Variants in USP24 observed in about 807,000 individuals in gnomAD.
USP24 encodes the protein ubiquitin specific peptidase 24.
A neutral mutation model predicts 361.6 loss-of-function variants in USP24; 97 were observed. The observed-to-expected ratio is 0.27, with a 90% CI of 0.23 to 0.32. USP24 has a LOEUF of 0.32. Ranked by LOEUF, USP24 falls within the 10% of genes least tolerant of loss-of-function variation. USP24 has a pLI of 1.00. For missense variants in USP24, 2,353 were observed against 3,165.6 expected (o/e 0.74, Z 6.16); for synonymous variants, 1,098 against 1,124.6 (o/e 0.98, Z 0.47).
chr1:55,112,502 T>A (rs1645983565), intron 38 of USP24, among the ~76,000 whole-genome samples: 1 of 151,994 alleles, frequency 6.6e-6, no homozygotes, highest in Admixed American at 6.5e-5. Context: ...TCAAATAACT[T>A]ATTTATTTCT....
chr1:55,189,895 C>T (rs530332805), intron 1 of USP24, among the ~76,000 whole-genome samples: 22 of 151,958 alleles, frequency 1.4e-4, no homozygotes, highest in African/African-American at 3.6e-4. Context: ...AGGCCAGGCA[C>T]GGTGACTCAT....
chr1:55,171,512 TCAATACA>T, intron 5 of USP24, 37 bp downstream of exon 5: 1 of 1,557,660 alleles, frequency 6.4e-7, no homozygotes, highest in African/African-American at 1.4e-5. Context: ...ATCTTCTTTT[TCAATACA>T]TTTTTCTATA....
At position 55,158,922 on chromosome 1, in the gene USP24, G is replaced by A; in HGVS notation, c.1183C>T (p.Leu395=). The change falls in exon 10 of 68, where the codon CTG becomes TTG. Residue 395 remains leucine, a synonymous_variant. Transcript: ENST00000294383. ...DLRLDILLRM[L]KSPHFSAKMN... ...TTAGCACTGAAATGTGGTGATTTCA[G>A]CATGCGCAATAGAATATCTAGTCGA... The A allele has an allele frequency of 6.3e-7, 1 of 1,576,942 alleles. No individual in the cohort carries two copies. The highest frequency in any genetic ancestry group is 2.3e-5 in the East Asian group (1 of 43,712).
chr1:55,215,090 G>A lies in USP24; in HGVS notation c.24C>T (p.His8=), dbSNP rs771050494. The A allele has an allele frequency of 2.5e-5, 33 of 1,333,724 alleles. No homozygotes were observed. The highest frequency in any genetic ancestry group is 3.0e-5 in the African/African-American group (2 of 66,786). 82.6% of individuals were successfully genotyped at this position (1,333,724 alleles called of 1,614,324 possible). A position where few individuals can be genotyped will look rare whatever the true frequency, so the allele number is the denominator to read the frequency against. Residue 8 remains histidine, a synonymous_variant, in exon 1 of 68, where the codon CAC becomes CAT. Transcript: ENST00000294383. The part of the protein sequence containing the change: MESEEEQ[H]MTTLLCMGFS... Reference sequence around the variant, plus strand: ...AGCCCATGCACAGCAGCGTGGTCATGTGCTGCTCCTCCTCCGATTCCATGG... The same window carrying A: ...AGCCCATGCACAGCAGCGTGGTCATATGCTGCTCCTCCTCCGATTCCATGG...
At chr1:55,206,705 A>G (rs1169585836) in intron 1 of USP24, among the ~76,000 whole-genome samples, 1 of 151,522 alleles carries the variant, frequency 6.6e-6, no homozygotes, top group Non-Finnish European at 1.5e-5. Context: ...AAACCAGAGT[A>G]GTAACAGTGA....
intron 1 of USP24, 105 bp from the exon 2 acceptor site, chr1:55,178,237 A>G: frequency 1.6e-5 from 18 of 1,115,430 alleles, no homozygotes; most frequent in Non-Finnish European, 2.2e-5. Context: ...GGTAGCTATT[A>G]ATACCAATAG....
At chr1:55,170,374 C>T (rs187693767) in intron 5 of USP24, among the ~76,000 whole-genome samples, 412 of 152,158 alleles carry the variant, frequency 2.7e-3, no homozygotes, top group Admixed American at 4.2e-3. Flanking sequence ...ATCTGCTGAG[C>T]GCTCACTAGA....
intron 5 of USP24, among the ~76,000 whole-genome samples, chr1:55,169,786 C>A (rs989198390): frequency 1.3e-5 from 2 of 152,076 alleles, no homozygotes; most frequent in Non-Finnish European, 2.9e-5. Flanking sequence ...CCAAGACTTA[C>A]CCACAAACAG....
intron 1 of USP24, among the ~76,000 whole-genome samples, chr1:55,190,087 C>T (rs1172765396): frequency 2.0e-5 from 3 of 150,104 alleles, no homozygotes; most frequent in Non-Finnish European, 3.0e-5. Context: ...ATTGCTTGGA[C>T]CCAGGAGGCG....
At chr1:55,162,058 C>T (rs1648340014) in intron 8 of USP24, 141 bp downstream of exon 8, 3 of 678,308 alleles carry the variant, frequency 4.4e-6, no homozygotes, top group Non-Finnish European at 7.0e-6. Flanking sequence ...TATCTGATGG[C>T]ATTTTTATTA....
At chr1:55,129,441 T>C (rs1306251944) in intron 32 of USP24, 36 bp downstream of exon 32, 1 of 1,566,198 alleles carries the variant, frequency 6.4e-7, no homozygotes, top group Admixed American at 1.7e-5. Flanking sequence ...ATATTCATTT[T>C]CGGCAACTCA....
chr1:55,095,101 T>C (rs374567160), intron 51 of USP24, among the ~76,000 whole-genome samples, 154 bp downstream of exon 51: 4 of 152,236 alleles, frequency 2.6e-5, no homozygotes, highest in Non-Finnish European at 5.9e-5. Flanking sequence ...AAAATAACCA[T>C]GAAGCAATAA....
chr1:55,117,145 T>C (rs916064947), intron 38 of USP24, among the ~76,000 whole-genome samples: 1 of 152,172 alleles, frequency 6.6e-6, no homozygotes, highest in African/African-American at 2.4e-5. Flanking sequence ...ACTTTCATGA[T>C]AAAAACACTT....
At position 55,133,984 on chromosome 1, in the gene USP24, A is replaced by G. The variant is rs563784995; in HGVS notation, c.3381+86T>C. Reference sequence around the variant, plus strand: ...AAAACATTATGGGAAAGATGGTATCATATGACCTTGATGTGATTTCAGGTT... The same window carrying G: ...AAAACATTATGGGAAAGATGGTATCGTATGACCTTGATGTGATTTCAGGTT... On this transcript the variant is annotated intron_variant, in intron 30 of 67. Transcript: ENST00000294383. 6.7e-6 allele frequency: 8 copies of G among 1,188,150 alleles called. No homozygotes were observed. The East Asian group carries it at 2.0e-4, about 29-fold the overall frequency. 73.6% of individuals were successfully genotyped at this position (1,188,150 alleles called of 1,614,324 possible).
chr1:55,175,559 C>A (rs550361034), intron 3 of USP24, among the ~76,000 whole-genome samples: 1 of 152,166 alleles, frequency 6.6e-6, no homozygotes, highest in East Asian at 1.9e-4. Flanking sequence ...CAAACATTAC[C>A]CATCTGTAGT....
At chr1:55,191,546 A>G (rs913915958) in intron 1 of USP24, among the ~76,000 whole-genome samples, 2 of 148,446 alleles carry the variant, frequency 1.3e-5, no homozygotes, top group Non-Finnish European at 3.0e-5. Context: ...ACTGGAGTGC[A>G]GTGGCACGGT....
At chr1:55,201,584 G>A (rs1240610704) in intron 1 of USP24, among the ~76,000 whole-genome samples, 2 of 102,354 alleles carry the variant, frequency 2.0e-5, no homozygotes, top group Non-Finnish European at 3.5e-5. Flanking sequence ...CTGGGTGACA[G>A]AGCAAGACTC....
chr1:55,100,690 A>G (rs1223448011), intron 44 of USP24, 149 bp downstream of exon 44: 2 of 806,848 alleles, frequency 2.5e-6, no homozygotes, highest in South Asian at 3.7e-5. Context: ...CCAAGTACCA[A>G]TTTCAACAAT....
In USP24 at chr1:55,083,288, C is replaced by T; in HGVS notation, c.6959G>A (p.Ser2320Asn). 6.2e-7 allele frequency: 1 copy of T among 1,613,674 alleles called. No homozygotes were observed. Among genetic ancestry groups the T allele is most frequent in the East Asian group, 2.2e-5 (1 of 44,874 alleles). Residue 2320 changes from serine (S) to asparagine (N), a missense_variant, in exon 58 of 68, where the codon AGT becomes AAT. Ser to Asn is a conservative substitution (Grantham distance 46, BLOSUM62 1). Around this residue, in one of 8 missense-constraint regions of USP24, gnomAD observed 598 missense variants for 761.9 expected, o/e 0.78. Coordinates refer to ENST00000294383, the MANE Select transcript of USP24 (RefSeq NM_015306.3). ...AGTCCTTACCTGATTGTTTTGCCGA[C>T]TGGCCCCTAGGAGGAAGCTGATCAT... ...RHMISFLLGA[S>N]RQNNQIRRWS...
Sources: allele counts gnomAD v4.1 joint callset (sites outside exome capture counted in the v4.1 genomes callset), GRCh38; gene constraint gnomAD v4.1.1; regional missense constraint gnomAD v4.1.1; transcripts MANE v1.5; gene names NCBI Gene and HGNC (gene_info 2026-07-23, HGNC 2026-07-21).